Variants in EYA1 observed in about 807,000 individuals in gnomAD.
EYA1 encodes EYA transcriptional coactivator and phosphatase 1.
In EYA1, 16 loss-of-function variants were observed where a neutral mutation model predicts 82.0. That is an observed-to-expected ratio of 0.20 (90% CI 0.13 to 0.30). EYA1 has a LOEUF of 0.30. EYA1 is among the 10% of genes least tolerant of loss of function. The probability of loss-of-function intolerance (pLI) is 1.00; values close to 1 mark genes in which losing one functional copy is unlikely to be tolerated. For synonymous variants in EYA1, 261 were observed against 264.4 expected, an observed-to-expected ratio of 0.99 and a Z score of 0.12; for missense variants, 633 against 730.7, an observed-to-expected ratio of 0.87 and a Z score of 1.54.
chr8:71,444,687 C>A lies in EYA1; in HGVS notation c.34-88176G>T, dbSNP rs190078807. On this transcript the variant is annotated intron_variant, in intron 2 of 18. Transcript: ENST00000643681. ...TGCATACAGCAGGTATCTGATATAA[C>A]ACCAAGCCTACACTGAGGGGTTAGA... Among the ~76,000 whole-genome samples the A allele has an allele frequency of 8.4e-4, 127 of 151,964 alleles. 1 individual carries two copies. Among genetic ancestry groups the A allele is most frequent in the African/African-American group, 3.0e-3 (126 of 41,426 alleles).
intron 2 of EYA1, among the ~76,000 whole-genome samples, chr8:71,490,682 A>T (rs1382521205): frequency 6.6e-6 from 1 of 152,244 alleles, no homozygotes; most frequent in African/African-American, 2.4e-5. Context: ...ATTGTGTAAC[A>T]TGTCTTAAAA....
At chr8:71,426,079 AAT>A (rs1315215143) in intron 2 of EYA1, among the ~76,000 whole-genome samples, 2 of 152,242 alleles carry the variant, frequency 1.3e-5, no homozygotes, top group Non-Finnish European at 2.9e-5. Flanking sequence ...CTGATATTTC[AAT>A]AGTGTTGACT....
intron 3 of EYA1, among the ~76,000 whole-genome samples, chr8:71,345,629 A>G (rs762159663): frequency 1.3e-5 from 2 of 152,160 alleles, no homozygotes; most frequent in Non-Finnish European, 2.9e-5. Context: ...AATTCTTCCT[A>G]TATTTCTAAT....
chr8:71,390,773 C>A (rs1829232347), intron 2 of EYA1, among the ~76,000 whole-genome samples: 1 of 151,952 alleles, frequency 6.6e-6, no homozygotes, highest in Admixed American at 6.6e-5. Context: ...GTCATAAATG[C>A]TAGACCTATT....
At chr8:71,441,168 C>T (rs1463705034) in intron 2 of EYA1, among the ~76,000 whole-genome samples, 1 of 152,086 alleles carries the variant, frequency 6.6e-6, no homozygotes, top group Non-Finnish European at 1.5e-5. Flanking sequence ...AAGACATGAA[C>T]ACTGTATATA....
intron 1 of EYA1, among the ~76,000 whole-genome samples, chr8:71,357,891 T>C (rs1005403031): frequency 6.6e-6 from 1 of 152,130 alleles, no homozygotes; most frequent in African/African-American, 2.4e-5. Flanking sequence ...CGATTTTTGT[T>C]AAAAATTAAT....
At chr8:71,425,053 G>T (rs1367145517) in intron 2 of EYA1, among the ~76,000 whole-genome samples, 1 of 134,440 alleles carries the variant, frequency 7.4e-6, no homozygotes, top group Non-Finnish European at 1.5e-5. Flanking sequence ...GAGGTCAGGA[G>T]ATCGAGACTA....
At chr8:71,219,927 T>C (rs1809682943) in intron 12 of EYA1, among the ~76,000 whole-genome samples, 1 of 152,206 alleles carries the variant, frequency 6.6e-6, no homozygotes, top group African/African-American at 2.4e-5. Context: ...TTTTGCCTTC[T>C]GGACTAGGTT....
intron 2 of EYA1, among the ~76,000 whole-genome samples, chr8:71,482,269 A>G (rs1011956810): frequency 3.3e-5 from 5 of 152,248 alleles, no homozygotes; most frequent in African/African-American, 1.2e-4. Context: ...GGCTATTCAA[A>G]TGGCTAAAAA....
intron 2 of EYA1, among the ~76,000 whole-genome samples, chr8:71,370,786 A>T (rs77974326): frequency 3.5e-5 from 5 of 143,598 alleles, no homozygotes; most frequent in Admixed American, 6.9e-5. Context: ...ATGCCTAGCT[A>T]TTTTTTTTTT....
chr8:71,297,172 C>T (rs1473358443), intron 9 of EYA1, among the ~76,000 whole-genome samples: 1 of 152,090 alleles, frequency 6.6e-6, no homozygotes. Context: ...TTTTACAATA[C>T]AAGCTAAAAT....
intron 2 of EYA1, among the ~76,000 whole-genome samples, chr8:71,385,315 A>T (rs1828915922): frequency 6.6e-6 from 1 of 152,140 alleles, no homozygotes; most frequent in Non-Finnish European, 1.5e-5. Context: ...GTGACCAAGT[A>T]GATGAGCCCA....
At chr8:71,492,768 TCTTTTAA>T (rs201297338) in intron 2 of EYA1, among the ~76,000 whole-genome samples, 1,758 of 152,040 alleles carry the variant, frequency 0.012, 29 homozygotes, top group African/African-American at 0.04. Flanking sequence ...CCCGGCCTTT[TCTTTTAA>T]CTTTTAAGTT....
At chr8:71,313,658 T>G (rs899265996) in intron 7 of EYA1, among the ~76,000 whole-genome samples, 2 of 152,084 alleles carry the variant, frequency 1.3e-5, no homozygotes, top group Non-Finnish European at 2.9e-5. Flanking sequence ...AGGAAACACA[T>G]GTGAAGGAGT....
chr8:71,489,243 G>C (rs572080971), intron 2 of EYA1, among the ~76,000 whole-genome samples: 2 of 151,926 alleles, frequency 1.3e-5, no homozygotes, highest in South Asian at 4.2e-4. Context: ...TCTCTTTTAG[G>C]GCTTTCTGGA....
intron 2 of EYA1, among the ~76,000 whole-genome samples, chr8:71,475,897 T>A (rs1434120986): frequency 2.0e-5 from 3 of 152,204 alleles, no homozygotes; most frequent in Admixed American, 6.5e-5. Flanking sequence ...CTTGAAGACA[T>A]TTTTAGTTAT....
At chr8:71,450,489 G>T (rs1167965261) in intron 2 of EYA1, among the ~76,000 whole-genome samples, 1 of 152,084 alleles carries the variant, frequency 6.6e-6, no homozygotes, top group African/African-American at 2.4e-5. Flanking sequence ...GTCTTATATG[G>T]GCATGGTTTG....
chr8:71,445,103 T>G (rs1381099262), intron 2 of EYA1, among the ~76,000 whole-genome samples: 1 of 152,224 alleles, frequency 6.6e-6, no homozygotes, highest in Non-Finnish European at 1.5e-5. Flanking sequence ...TTATGTTATT[T>G]TATTTTATTT....
intron 7 of EYA1, among the ~76,000 whole-genome samples, chr8:71,309,402 A>G (rs954304747): frequency 1.3e-5 from 2 of 152,146 alleles, no homozygotes; most frequent in African/African-American, 4.8e-5. Context: ...GCCAAGAACT[A>G]AAAAATAAAT....
Sources: gnomAD v4.1 joint callset for allele counts (sites outside exome capture counted in the v4.1 genomes callset) on GRCh38, gnomAD v4.1.1 for gene constraint, MANE v1.5 for transcripts, NCBI Gene and HGNC (gene_info 2026-07-23, HGNC 2026-07-21) for gene names.